The following GKAP1 variants were observed in gnomAD, a reference collection of about 807,000 sequenced individuals.
The protein encoded by GKAP1 is G kinase anchoring protein 1.
A neutral mutation model predicts 56.7 loss-of-function variants in GKAP1; 31 were observed. The ratio of observed to expected loss-of-function variants is 0.55; its 90% CI spans 0.41 to 0.74. The LOEUF (loss-of-function observed/expected upper bound fraction) is 0.74. Among genes scored for constraint, GKAP1 ranks in the 30% least tolerant of loss-of-function variants. The probability of loss-of-function intolerance (pLI) is 0.00; values close to 1 mark genes in which losing one functional copy is unlikely to be tolerated. For missense variants in GKAP1, 364 were observed against 402.3 expected (o/e 0.90, Z 0.82); for synonymous variants, 151 against 138.6 (o/e 1.09, Z -0.63).
chr9:83,779,506 T>C (rs1428238273), intron 7 of GKAP1, among the ~76,000 whole-genome samples: 1 of 124,144 alleles, frequency 8.1e-6, no homozygotes, highest in East Asian at 2.4e-4. Flanking sequence ...TATACACATA[T>C]ATGTGTATAT....
intron 8 of GKAP1, among the ~76,000 whole-genome samples, chr9:83,767,787 A>G (rs1943689096): frequency 6.6e-6 from 1 of 152,160 alleles, no homozygotes; most frequent in African/African-American, 2.4e-5. Context: ...CCTGGGTTCA[A>G]GCAATTCTCG....
At chr9:83,757,306 C>A (rs1050997391) in intron 8 of GKAP1, among the ~76,000 whole-genome samples, 1 of 152,116 alleles carries the variant, frequency 6.6e-6, no homozygotes, top group African/African-American at 2.4e-5. Flanking sequence ...AGAGTACAAA[C>A]AGCTAAAGTT....
chr9:83,745,716 T>C (rs1943282210), intron 10 of GKAP1, among the ~76,000 whole-genome samples: 1 of 152,220 alleles, frequency 6.6e-6, no homozygotes, highest in South Asian at 2.1e-4. Context: ...AAGACCCACA[T>C]GGAGATCAAT....
At chr9:83,762,655 C>T (rs920568979) in intron 8 of GKAP1, among the ~76,000 whole-genome samples, 3 of 152,078 alleles carry the variant, frequency 2.0e-5, no homozygotes, top group Non-Finnish European at 2.9e-5. Context: ...AATTATACTA[C>T]AGAGCTATAG....
intron 8 of GKAP1, among the ~76,000 whole-genome samples, chr9:83,759,968 A>G (rs1473394722): frequency 6.6e-6 from 1 of 152,204 alleles, no homozygotes; most frequent in African/African-American, 2.4e-5. Context: ...AATTTATATT[A>G]CATTCCTCTA....
chr9:83,788,755 A>T, intron 4 of GKAP1, 77 bp from the exon 5 acceptor site: 1 of 781,000 alleles, frequency 1.3e-6, no homozygotes, highest in East Asian at 2.7e-5. Context: ...ATATTACTAT[A>T]TACAGAGGAA....
At chr9:83,796,041 T>C (rs1944240820) in intron 4 of GKAP1, among the ~76,000 whole-genome samples, 3 of 152,240 alleles carry the variant, frequency 2.0e-5, no homozygotes, top group Non-Finnish European at 4.4e-5. Flanking sequence ...AATTAGAATC[T>C]AATTCTTAAA....
intron 8 of GKAP1, among the ~76,000 whole-genome samples, chr9:83,759,549 T>C (rs1309862207): frequency 6.6e-6 from 1 of 152,234 alleles, no homozygotes; most frequent in Non-Finnish European, 1.5e-5. Flanking sequence ...TGTTGCTATG[T>C]ATAACTACAA....
chr9:83,749,859 G>A (rs1255201557), intron 9 of GKAP1, among the ~76,000 whole-genome samples: 2 of 152,168 alleles, frequency 1.3e-5, no homozygotes, highest in East Asian at 3.8e-4. Flanking sequence ...AACGTAGAAA[G>A]ACTGCTGAGA....
intron 3 of GKAP1, among the ~76,000 whole-genome samples, chr9:83,802,439 G>A (rs945200363): frequency 2.0e-5 from 3 of 149,162 alleles, no homozygotes; most frequent in African/African-American, 5.0e-5. Flanking sequence ...CTGAGATCAC[G>A]GCACTAAAAC....
chr9:83,741,684 C>A (rs1456687260), intron 12 of GKAP1, among the ~76,000 whole-genome samples: 1 of 152,088 alleles, frequency 6.6e-6, no homozygotes, highest in Non-Finnish European at 1.5e-5. Context: ...TCCTTTTGTG[C>A]CTTTCCCCAA....
intron 9 of GKAP1, among the ~76,000 whole-genome samples, chr9:83,752,550 G>A (rs1002576101): frequency 6.6e-6 from 1 of 152,166 alleles, no homozygotes; most frequent in Non-Finnish European, 1.5e-5. Flanking sequence ...GGTTACCGGG[G>A]TGTGGAAAAT....
chr9:83,802,090 T>C (rs1281195705), intron 3 of GKAP1, among the ~76,000 whole-genome samples: 1 of 152,184 alleles, frequency 6.6e-6, no homozygotes, highest in Non-Finnish European at 1.5e-5. Context: ...TAGCTCAGAA[T>C]TTCTTTTAAA....
At chr9:83,761,729 A>C (rs139533469) in intron 8 of GKAP1, among the ~76,000 whole-genome samples, 1,971 of 137,584 alleles carry the variant, frequency 0.014, 34 homozygotes, top group African/African-American at 0.049. Context: ...GATTTATCCC[A>C]GGAATGCAAG....
intron 4 of GKAP1, among the ~76,000 whole-genome samples, chr9:83,793,455 G>T (rs1944196225): frequency 6.6e-6 from 1 of 152,126 alleles, no homozygotes; most frequent in East Asian, 1.9e-4. Flanking sequence ...TATTCTAAAG[G>T]TTGTCAGAGT....
chr9:83,741,091 C>A (rs1178465910), intron 12 of GKAP1, among the ~76,000 whole-genome samples: 1 of 151,370 alleles, frequency 6.6e-6, no homozygotes, highest in African/African-American at 2.4e-5. Flanking sequence ...AAATAGATAC[C>A]CACCCACTAT....
chr9:83,803,381 T>C (rs574895818), intron 3 of GKAP1, among the ~76,000 whole-genome samples: 1 of 152,102 alleles, frequency 6.6e-6, no homozygotes, highest in African/African-American at 2.4e-5. Context: ...GCCTGCCGAG[T>C]GCCTGCGATT....
intron 8 of GKAP1, among the ~76,000 whole-genome samples, chr9:83,762,681 G>C (rs1433297827): frequency 1.3e-5 from 2 of 152,122 alleles, no homozygotes; most frequent in African/African-American, 4.8e-5. Flanking sequence ...AAATAACAAG[G>C]TACTGGCATA....
chr9:83,787,553 T>G (rs903018472), intron 5 of GKAP1, among the ~76,000 whole-genome samples: 4 of 152,204 alleles, frequency 2.6e-5, no homozygotes, highest in Non-Finnish European at 5.9e-5. Context: ...ATAAAGACAC[T>G]AATGCACAAG....
Sources: allele counts gnomAD v4.1 joint callset (sites outside exome capture counted in the v4.1 genomes callset), GRCh38; gene constraint gnomAD v4.1.1; transcripts MANE v1.5; gene names NCBI Gene and HGNC (gene_info 2026-07-23, HGNC 2026-07-21).